Variants in ZCCHC7 observed in about 807,000 individuals in gnomAD.
The protein encoded by ZCCHC7 is zinc finger CCHC-type containing 7.
In ZCCHC7, 35 loss-of-function variants were observed where a neutral mutation model predicts 52.0. The ratio of observed to expected loss-of-function variants is 0.67; its 90% CI spans 0.51 to 0.89. The LOEUF (loss-of-function observed/expected upper bound fraction) is 0.89. Ranked by LOEUF, ZCCHC7 falls within the 40% of genes least tolerant of loss-of-function variation. The probability of loss-of-function intolerance (pLI) is 0.00; values close to 1 mark genes in which losing one functional copy is unlikely to be tolerated. For synonymous variants in ZCCHC7, 217 were observed against 221.5 expected (o/e 0.98, Z 0.18); for missense variants, 574 against 649.1 (o/e 0.88, Z 1.26).
chr9:37,338,554 G>T (rs1056436258), intron 6 of ZCCHC7, among the ~76,000 whole-genome samples: 4 of 152,128 alleles, frequency 2.6e-5, no homozygotes, highest in African/African-American at 9.7e-5. Flanking sequence ...AAGTAGGGAG[G>T]AAGTTACAGA....
At chr9:37,318,397 G>A (rs1048290690) in intron 5 of ZCCHC7, among the ~76,000 whole-genome samples, 1 of 151,354 alleles carries the variant, frequency 6.6e-6, no homozygotes, top group Non-Finnish European at 1.5e-5. Flanking sequence ...GGAGGCAGAG[G>A]TTGCAGTGAG....
At chr9:37,178,581 CTTATAG>C (rs1405911811) in intron 2 of ZCCHC7, among the ~76,000 whole-genome samples, 3 of 151,810 alleles carry the variant, frequency 2.0e-5, no homozygotes, top group African/African-American at 4.9e-5. Context: ...GGATAAAACT[CTTATAG>C]TTATGATATA....
At chr9:37,171,051 A>G (rs1185490017) in intron 2 of ZCCHC7, among the ~76,000 whole-genome samples, 2 of 152,200 alleles carry the variant, frequency 1.3e-5, no homozygotes, top group African/African-American at 4.8e-5. Flanking sequence ...GGTTGAAGCA[A>G]TTGTAATAGT....
chr9:37,204,631 A>G (rs1823808830), intron 2 of ZCCHC7, among the ~76,000 whole-genome samples: 1 of 151,998 alleles, frequency 6.6e-6, no homozygotes, highest in South Asian at 2.1e-4. Flanking sequence ...GTGTGGTCTT[A>G]TTTCTGAGGT....
intron 5 of ZCCHC7, among the ~76,000 whole-genome samples, chr9:37,310,979 A>T (rs928720383): frequency 6.6e-6 from 1 of 150,986 alleles, no homozygotes; most frequent in Non-Finnish European, 1.5e-5. Flanking sequence ...AAAAAAAAAA[A>T]ATCAATATAT....
chr9:37,125,708 G>T (rs941673243), intron 1 of ZCCHC7, among the ~76,000 whole-genome samples: 2 of 152,200 alleles, frequency 1.3e-5, no homozygotes, highest in African/African-American at 4.8e-5. Flanking sequence ...GAAAGCAAGG[G>T]TTTTGTATCC....
chr9:37,223,394 A>T (rs776211122), intron 2 of ZCCHC7, among the ~76,000 whole-genome samples: 7 of 152,198 alleles, frequency 4.6e-5, no homozygotes, highest in Non-Finnish European at 8.8e-5. Flanking sequence ...CCTGACATAA[A>T]GGGACAAATT....
At chr9:37,279,242 G>A (rs951522259) in intron 2 of ZCCHC7, among the ~76,000 whole-genome samples, 6 of 151,744 alleles carry the variant, frequency 4.0e-5, no homozygotes, top group African/African-American at 1.5e-4. Context: ...TGATTTATAT[G>A]TAGATATAAT....
intron 6 of ZCCHC7, among the ~76,000 whole-genome samples, chr9:37,347,082 G>T (rs144355556): frequency 6.6e-6 from 1 of 152,148 alleles, no homozygotes; most frequent in Non-Finnish European, 1.5e-5. Context: ...CGTTTAAGCC[G>T]ATCCTTAACT....
intron 5 of ZCCHC7, among the ~76,000 whole-genome samples, chr9:37,326,672 TATTATC>T (rs1830255768): frequency 6.7e-6 from 1 of 150,182 alleles, no homozygotes; most frequent in Admixed American, 6.6e-5. Context: ...TTTCTTAAAT[TATTATC>T]ATAGCCATGA....
rs754176359 is a variant in ZCCHC7 at position 37,126,828 on chromosome 9, A to G, written c.496A>G (p.Thr166Ala). 6.2e-7 allele frequency: 1 copy of G among 1,614,188 alleles called. No homozygotes were observed. The highest frequency in any genetic ancestry group is 8.5e-7 in the Non-Finnish European group (1 of 1,180,024). The change falls in exon 2 of 9, where the codon ACC becomes GCC. Residue 166 changes from threonine (T) to alanine (A), a missense_variant. Around this residue, in one of 3 missense-constraint regions of ZCCHC7, gnomAD observed 403 missense variants for 461.2 expected, o/e 0.87. Coordinates refer to ENST00000336755, the MANE Select transcript of ZCCHC7 (RefSeq NM_032226.3). ...CAGTTCAAGTGAAGAGGAAGAGAGCACCATTTCAGAAGGTGATAATGTGGA... is the reference window on the plus strand; with the variant it reads ...CAGTTCAAGTGAAGAGGAAGAGAGCGCCATTTCAGAAGGTGATAATGTGGA... Reference protein sequence around the residue: ...EVSSSEEEESTISEGDNVESW... With the variant: ...EVSSSEEEESAISEGDNVESW...
intron 2 of ZCCHC7, among the ~76,000 whole-genome samples, chr9:37,162,204 C>T (rs893063328): frequency 4.6e-5 from 7 of 151,756 alleles, no homozygotes; most frequent in Admixed American, 2.0e-4. Context: ...ACATATAATA[C>T]ATAGAATTAT....
At chr9:37,295,522 A>G (rs1361815360) in intron 2 of ZCCHC7, among the ~76,000 whole-genome samples, 1 of 152,200 alleles carries the variant, frequency 6.6e-6, no homozygotes, top group Non-Finnish European at 1.5e-5. Flanking sequence ...GATATTTCAT[A>G]ATCTGGGTAA....
intron 2 of ZCCHC7, among the ~76,000 whole-genome samples, chr9:37,199,598 G>A (rs559305569): frequency 2.6e-5 from 4 of 151,538 alleles, no homozygotes; most frequent in African/African-American, 7.3e-5. Context: ...CTCCCAAAGT[G>A]CTGGGATTAC....
chr9:37,220,537 G>A (rs1291833992), intron 2 of ZCCHC7, among the ~76,000 whole-genome samples: 5 of 152,028 alleles, frequency 3.3e-5, no homozygotes, highest in South Asian at 2.1e-4. Flanking sequence ...ATAAGACTCC[G>A]TCTCAAAAAG....
At chr9:37,267,405 G>GA (rs1356227982) in intron 2 of ZCCHC7, among the ~76,000 whole-genome samples, 2 of 151,848 alleles carry the variant, frequency 1.3e-5, no homozygotes, top group African/African-American at 4.8e-5. Context: ...TGGTGGGGGG[G>GA]AGACAGGGGA....
intron 2 of ZCCHC7, among the ~76,000 whole-genome samples, chr9:37,174,340 A>G (rs1010932787): frequency 2.6e-5 from 4 of 152,304 alleles, no homozygotes; most frequent in Admixed American, 2.0e-4. Flanking sequence ...GGAAACTGCT[A>G]AAGTTCCAGA....
chr9:37,356,802 C>A, intron 8 of ZCCHC7, 33 bp from the exon 9 acceptor site: 1 of 1,549,784 alleles, frequency 6.5e-7, no homozygotes, highest in South Asian at 1.3e-5. Context: ...TGTTTAGCTG[C>A]TGAATATGCA....
intron 2 of ZCCHC7, among the ~76,000 whole-genome samples, chr9:37,137,154 C>T (rs1378057236): frequency 1.3e-5 from 2 of 152,138 alleles, no homozygotes; most frequent in Admixed American, 6.6e-5. Flanking sequence ...TCCTAAAATG[C>T]ATGACAGTAT....
Sources: gnomAD v4.1 joint callset for allele counts (sites outside exome capture counted in the v4.1 genomes callset) on GRCh38, gnomAD v4.1.1 for gene constraint, gnomAD v4.1.1 regional missense constraint, MANE v1.5 for transcripts, NCBI Gene and HGNC (gene_info 2026-07-23, HGNC 2026-07-21) for gene names.